GALNTL6: variants seen among roughly 807,000 people sequenced by gnomAD.
GALNTL6 encodes the protein polypeptide N-acetylgalactosaminyltransferase-like 6.
In GALNTL6, 46 loss-of-function variants were observed where a neutral mutation model predicts 73.7. The observed-to-expected ratio is 0.62, with a 90% CI of 0.49 to 0.80. The LOEUF (loss-of-function observed/expected upper bound fraction) is 0.80, where lower values mean the gene tolerates loss of function less well. GALNTL6 is among the 30% of genes least tolerant of loss of function. The pLI, the probability that GALNTL6 is intolerant of heterozygous loss-of-function variation, is 0.00. For missense variants in GALNTL6, 604 were observed against 755.0 expected, an observed-to-expected ratio of 0.80 and a Z score of 2.34; for synonymous variants, 259 against 263.7, an observed-to-expected ratio of 0.98 and a Z score of 0.17.
At chr4:172,876,641 C>T (rs1745207416) in intron 7 of GALNTL6, among the ~76,000 whole-genome samples, 1 of 152,118 alleles carries the variant, frequency 6.6e-6, no homozygotes, top group Non-Finnish European at 1.5e-5. Context: ...GAATAGTCCT[C>T]TCTTATCCCC....
intron 2 of GALNTL6, among the ~76,000 whole-genome samples, chr4:171,932,216 T>C (rs1434832343): frequency 1.3e-5 from 2 of 152,208 alleles, no homozygotes; most frequent in East Asian, 1.9e-4. Context: ...CTCATACTAA[T>C]AGAGTACCTT....
At chr4:172,693,616 C>T (rs1340365820) in intron 5 of GALNTL6, among the ~76,000 whole-genome samples, 2 of 152,224 alleles carry the variant, frequency 1.3e-5, no homozygotes, top group Non-Finnish European at 2.9e-5. Context: ...TTAAAGCCTC[C>T]TCTCACTATG....
intron 10 of GALNTL6, among the ~76,000 whole-genome samples, chr4:172,954,038 T>C (rs1749593019): frequency 6.6e-6 from 1 of 152,234 alleles, no homozygotes; most frequent in Non-Finnish European, 1.5e-5. Context: ...ATGATTCAAA[T>C]GCTGTCCTGC....
rs569572140 is a variant in GALNTL6, at chr4:172,843,984, G to A, written c.923+30261G>A. On this transcript the variant is annotated intron_variant, in intron 7 of 12. Coordinates refer to ENST00000506823, the MANE Select transcript of GALNTL6 (RefSeq NM_001034845.3). ...TGAGGCAGGAGAATCGCTTGAACCC[G>A]GAAGGGGGATGTTGCAGTGAGCTGA... Among the ~76,000 whole-genome samples, 115 of 152,210 alleles carry A rather than the reference G, an allele frequency of 7.6e-4. 1 individual carries two copies. Among genetic ancestry groups the A allele is most frequent in the African/African-American group, 2.6e-3 (107 of 41,534 alleles).
chr4:172,886,581 T>C (rs1745732083), intron 8 of GALNTL6, among the ~76,000 whole-genome samples: 1 of 152,150 alleles, frequency 6.6e-6, no homozygotes, highest in South Asian at 2.1e-4. Context: ...CTCATGAACA[T>C]GGTGAAACCC....
chr4:171,981,635 G>A (rs1292914108), intron 2 of GALNTL6, among the ~76,000 whole-genome samples: 2 of 152,142 alleles, frequency 1.3e-5, no homozygotes, highest in Non-Finnish European at 2.9e-5. Flanking sequence ...TATGTTAAAT[G>A]AAATTCCTAA....
chr4:172,731,558 A>T lies in GALNTL6; in HGVS notation c.554-77803A>T, dbSNP rs6818344. 8.9e-3 allele frequency among the ~76,000 whole-genome samples: 1,350 copies of T among 151,588 alleles called. 24 individuals carry two copies. The highest frequency in any genetic ancestry group is 0.031 in the African/African-American group (1,294 of 41,342). Reference sequence around the variant, plus strand: ...CTTAATTTCATTTATTTCTGCTCTGATCTTTTATTATTTTTTCCTTCTAGT... The same window carrying T: ...CTTAATTTCATTTATTTCTGCTCTGTTCTTTTATTATTTTTTCCTTCTAGT... On this transcript the variant is annotated intron_variant, in intron 5 of 12. Transcript: ENST00000506823.
intron 5 of GALNTL6, among the ~76,000 whole-genome samples, chr4:172,395,623 T>C (rs963371929): frequency 4.6e-5 from 7 of 152,158 alleles, no homozygotes; most frequent in Admixed American, 6.5e-5. Context: ...GGATTGACCA[T>C]GTATATTGTG....
At chr4:172,166,857 A>T (rs1734640186) in intron 2 of GALNTL6, among the ~76,000 whole-genome samples, 2 of 152,188 alleles carry the variant, frequency 1.3e-5, no homozygotes, top group African/African-American at 2.4e-5. Context: ...TATGCAATTC[A>T]TGCCTCTATC....
chr4:173,009,343 A>G (rs1465357533), intron 11 of GALNTL6, 49 bp downstream of exon 11: 2 of 1,063,130 alleles, frequency 1.9e-6, no homozygotes, highest in Non-Finnish European at 1.5e-6. Flanking sequence ...TCGGGGGCTG[A>G]TGCAGACACA....
chr4:172,970,843 T>G (rs1228783552), intron 10 of GALNTL6, among the ~76,000 whole-genome samples: 2 of 152,232 alleles, frequency 1.3e-5, no homozygotes, highest in African/African-American at 4.8e-5. Context: ...ACAATTAATG[T>G]TCAGAGATTG....
At chr4:172,411,249 A>ATATGCGTC (rs1372976536) in intron 5 of GALNTL6, among the ~76,000 whole-genome samples, 1 of 152,090 alleles carries the variant, frequency 6.6e-6, no homozygotes, top group African/African-American at 2.4e-5. Flanking sequence ...CCACTGTGGA[A>ATATGCGTC]TATGCTCTTG....
intron 2 of GALNTL6, among the ~76,000 whole-genome samples, chr4:172,083,418 C>G (rs1418357138): frequency 6.6e-6 from 1 of 152,186 alleles, no homozygotes; most frequent in Non-Finnish European, 1.5e-5. Flanking sequence ...CCTAGGTCCT[C>G]AAGGATTGCT....
intron 10 of GALNTL6, among the ~76,000 whole-genome samples, chr4:172,972,292 G>A (rs1437319547): frequency 1.3e-5 from 2 of 152,128 alleles, no homozygotes; most frequent in African/African-American, 4.8e-5. Context: ...CATCAATAAT[G>A]TAGATCTAAT....
chr4:172,609,150 C>T (rs538533113), intron 5 of GALNTL6, among the ~76,000 whole-genome samples: 3 of 152,148 alleles, frequency 2.0e-5, no homozygotes, highest in East Asian at 3.9e-4. Flanking sequence ...CCTGATTGCT[C>T]GGGCTAGAAT....
At chr4:172,274,020 C>T (rs543135245) in intron 3 of GALNTL6, among the ~76,000 whole-genome samples, 273 of 152,292 alleles carry the variant, frequency 1.8e-3, no homozygotes, top group African/African-American at 6.0e-3. Flanking sequence ...ATTTTTGTAA[C>T]TGACCTGAAC....
intron 5 of GALNTL6, among the ~76,000 whole-genome samples, chr4:172,795,301 C>A (rs1740202641): frequency 6.6e-6 from 1 of 151,986 alleles, no homozygotes; most frequent in African/African-American, 2.4e-5. Context: ...AGAGGGTGGC[C>A]TTGTGTGGGT....
chr4:172,076,749 C>T (rs1202948465), intron 2 of GALNTL6, among the ~76,000 whole-genome samples: 1 of 152,186 alleles, frequency 6.6e-6, no homozygotes, highest in African/African-American at 2.4e-5. Context: ...TTCCTAAAAT[C>T]TCTACATAAT....
intron 2 of GALNTL6, among the ~76,000 whole-genome samples, chr4:171,946,054 G>A (rs1285385521): frequency 6.6e-6 from 1 of 152,122 alleles, no homozygotes; most frequent in Admixed American, 6.6e-5. Flanking sequence ...AGTAGAAAGA[G>A]GTTATGGTAT....
Sources: gnomAD v4.1 joint callset for allele counts (sites outside exome capture counted in the v4.1 genomes callset) on GRCh38, gnomAD v4.1.1 for gene constraint, MANE v1.5 for transcripts, NCBI Gene and HGNC (gene_info 2026-07-23, HGNC 2026-07-21) for gene names.